The following NRG1 variants were observed in gnomAD, a reference collection of about 807,000 sequenced individuals.
The protein encoded by NRG1 is neuregulin 1.
NRG1 carries 18 observed loss-of-function variants against 63.8 expected under a neutral mutation model. The ratio of observed to expected loss-of-function variants is 0.28; its 90% CI spans 0.19 to 0.42. The LOEUF (loss-of-function observed/expected upper bound fraction) is 0.42. Among genes scored for constraint, NRG1 ranks in the 10% least tolerant of loss-of-function variants. NRG1 has a pLI of 1.00. For synonymous variants in NRG1, 302 were observed against 301.3 expected, an observed-to-expected ratio of 1.00 and a Z score of -0.02; for missense variants, 762 against 814.7, an observed-to-expected ratio of 0.94 and a Z score of 0.79.
At chr8:32,598,590 T>G (rs1843768358) in intron 2 of NRG1, among the ~76,000 whole-genome samples, 1 of 151,996 alleles carries the variant, frequency 6.6e-6, no homozygotes, top group Admixed American at 6.6e-5. Flanking sequence ...AAATTACTTC[T>G]TTTAAACAAT....
At chr8:32,367,231 T>C (rs1808189064) in intron 1 of NRG1, among the ~76,000 whole-genome samples, 1 of 152,236 alleles carries the variant, frequency 6.6e-6, no homozygotes, top group South Asian at 2.1e-4. Flanking sequence ...TCTACAGTGG[T>C]TGTACTAATT....
chr8:31,783,318 A>G (rs1195331973), intron 1 of NRG1, among the ~76,000 whole-genome samples: 6 of 152,208 alleles, frequency 3.9e-5, no homozygotes, highest in Admixed American at 6.5e-5. Flanking sequence ...GTTTTATAGC[A>G]ATAGTTTTTT....
At chr8:31,970,449 A>G (rs1807090692) in intron 1 of NRG1, among the ~76,000 whole-genome samples, 1 of 152,156 alleles carries the variant, frequency 6.6e-6, no homozygotes, top group Non-Finnish European at 1.5e-5. Context: ...CATGTTAAGG[A>G]TAGATGGGAG....
intron 1 of NRG1, among the ~76,000 whole-genome samples, chr8:31,969,625 T>A (rs983512307): frequency 6.6e-6 from 1 of 152,232 alleles, no homozygotes; most frequent in African/African-American, 2.4e-5. Flanking sequence ...TGCATGTGTG[T>A]CTGGCTGCTA....
chr8:32,248,128 T>G (rs1339391733), intron 1 of NRG1, among the ~76,000 whole-genome samples: 1 of 152,106 alleles, frequency 6.6e-6, no homozygotes, highest in Non-Finnish European at 1.5e-5. Context: ...TCTATTTTTT[T>G]CTTAACAAAA....
chr8:32,661,629 T>A (rs1802878263), intron 5 of NRG1, among the ~76,000 whole-genome samples: 1 of 152,056 alleles, frequency 6.6e-6, no homozygotes, highest in African/African-American at 2.4e-5. Flanking sequence ...TAGGGCTTTT[T>A]TTTTTTTTCA....
intron 1 of NRG1, among the ~76,000 whole-genome samples, chr8:31,912,078 T>C (rs987416986): frequency 6.6e-6 from 1 of 152,222 alleles, no homozygotes; most frequent in African/African-American, 2.4e-5. Flanking sequence ...AGTGTTAAAA[T>C]GATGTGGCTT....
At chr8:32,106,335 A>G (rs1320107874) in intron 1 of NRG1, among the ~76,000 whole-genome samples, 2 of 152,236 alleles carry the variant, frequency 1.3e-5, no homozygotes, top group Non-Finnish European at 2.9e-5. Context: ...TTTGTGGCCA[A>G]CTGGCAACCA....
At chr8:32,607,658 A>AT (rs963908937) in intron 3 of NRG1, among the ~76,000 whole-genome samples, 2 of 152,146 alleles carry the variant, frequency 1.3e-5, no homozygotes, top group African/African-American at 4.8e-5. Flanking sequence ...CAGCTAATTC[A>AT]TTTTTTCCAC....
chr8:32,725,129 T>C (rs1164702763), intron 5 of NRG1, among the ~76,000 whole-genome samples: 1 of 151,996 alleles, frequency 6.6e-6, no homozygotes, highest in Non-Finnish European at 1.5e-5. Flanking sequence ...TTATAAGGAG[T>C]GTCTACATTT....
chr8:32,546,100 T>C (rs1410134772), upstream of NRG1, among the ~76,000 whole-genome samples: 2 of 152,330 alleles, frequency 1.3e-5, no homozygotes, highest in African/African-American at 4.8e-5. Flanking sequence ...TCTTTTGTAG[T>C]CATGTATGCT....
At chr8:31,905,043 A>T (rs917441924) in intron 1 of NRG1, among the ~76,000 whole-genome samples, 12 of 151,852 alleles carry the variant, frequency 7.9e-5, no homozygotes, top group Admixed American at 6.6e-4. Flanking sequence ...AAAAAATAAG[A>T]TCATCTAGAC....
At chr8:32,548,198 G>A (rs1201186729), upstream of NRG1, 4 of 980,958 alleles carry the variant, frequency 4.1e-6, no homozygotes, top group Admixed American at 6.2e-5. Context: ...TGGTGGGGAA[G>A]AGGGAGGGGG....
intron 1 of NRG1, among the ~76,000 whole-genome samples, chr8:31,893,750 T>G (rs973098578): frequency 6.6e-6 from 1 of 151,950 alleles, no homozygotes; most frequent in Non-Finnish European, 1.5e-5. Context: ...AAAGAATAGT[T>G]TATTTAACAT....
chr8:32,726,179 G>A (rs1208574191), intron 5 of NRG1, among the ~76,000 whole-genome samples: 1 of 152,018 alleles, frequency 6.6e-6, no homozygotes, highest in Non-Finnish European at 1.5e-5. Context: ...TAGGAATAAA[G>A]TTCTCCTTTA....
At chr8:31,970,675 G>A (rs1807129551) in intron 1 of NRG1, among the ~76,000 whole-genome samples, 1 of 152,122 alleles carries the variant, frequency 6.6e-6, no homozygotes, top group Non-Finnish European at 1.5e-5. Flanking sequence ...CAGCTCTTCA[G>A]CTGCACATCT....
chr8:32,312,157 GTTTTTTTTTT>G (rs35888973), intron 1 of NRG1, among the ~76,000 whole-genome samples: 3 of 74,400 alleles, frequency 4.0e-5, no homozygotes, highest in Non-Finnish European at 7.0e-5. Context: ...GACCTTGTTT[GTTTTTTTTTT>G]TTTTTTTTTT....
At chr8:31,864,855 C>T (rs1043246986) in intron 1 of NRG1, among the ~76,000 whole-genome samples, 1 of 152,106 alleles carries the variant, frequency 6.6e-6, no homozygotes, top group Non-Finnish European at 1.5e-5. Flanking sequence ...GGTAGCCCTA[C>T]TGGGAAGAAT....
intron 1 of NRG1, among the ~76,000 whole-genome samples, chr8:32,579,195 C>CTTTTTTT (rs71208196): frequency 4.5e-4 from 47 of 105,430 alleles, no homozygotes; most frequent in African/African-American, 1.0e-3. Flanking sequence ...TTTCTTCTGT[C>CTTTTTTT]TTTTTTTTTT....
Sources: gnomAD v4.1 joint callset for allele counts (sites outside exome capture counted in the v4.1 genomes callset) on GRCh38, gnomAD v4.1.1 for gene constraint, MANE v1.5 for transcripts, NCBI Gene and HGNC (gene_info 2026-07-23, HGNC 2026-07-21) for gene names.